Variants in WDR45B observed in about 807,000 individuals in gnomAD.
WDR45B encodes the protein WD repeat domain 45B, also known as WD repeat domain phosphoinositide-interacting protein 3.
Under a neutral mutation model 44.6 loss-of-function variants are expected in WDR45B, and 20 were observed. The ratio of observed to expected loss-of-function variants is 0.45; its 90% CI spans 0.32 to 0.65. The LOEUF is 0.65. Among genes scored for constraint, WDR45B ranks in the 30% least tolerant of loss-of-function variants. The pLI is 0.05. For missense variants in WDR45B, 323 were observed against 430.2 expected (o/e 0.75, Z 2.20); for synonymous variants, 169 against 164.9 (o/e 1.02, Z -0.19).
chr17:82,634,150 C>CAA (rs36183298), intron 2 of WDR45B, among the ~76,000 whole-genome samples: 1,511 of 31,834 alleles, frequency 0.047, 110 homozygotes, highest in African/African-American at 0.059. Flanking sequence ...GACTCCATCT[C>CAA]AAAAAAAAAA....
At position 82,622,004 on chromosome 17, in the gene WDR45B, AAT is replaced by A. The variant is rs1452383923; in HGVS notation, c.428-207_428-206del. ...GCTACCTCGCATGAGACCTCCTCAT[AAT>A]CAAGACATCTGCTGAACAACTTTAC... On this transcript the variant is annotated intron_variant, in intron 5 of 9. Coordinates refer to ENST00000392325, the MANE Select transcript of WDR45B (RefSeq NM_019613.4). Among the ~76,000 whole-genome samples the A allele has an allele frequency of 5.3e-5, 8 of 152,326 alleles. No homozygotes were observed. In the East Asian group the frequency reaches 1.4e-3, roughly 26 times the overall value.
At chr17:82,624,964 T>TAAC (rs902121461) in intron 5 of WDR45B, among the ~76,000 whole-genome samples, 3 of 152,124 alleles carry the variant, frequency 2.0e-5, no homozygotes, top group African/African-American at 7.2e-5. Context: ...AATTTTACCC[T>TAAC]AACAAAGCCA....
chr17:82,648,141 G>A lies in WDR45B; in HGVS notation c.67+133C>T, dbSNP rs2046005949. On this transcript the variant is annotated intron_variant, in intron 1 of 9. Coordinates refer to ENST00000392325, the MANE Select transcript of WDR45B (RefSeq NM_019613.4). Reference sequence around the variant, plus strand: ...GGCCGGGGCCGGGGGCTTCGGAGGGGAGCTCGGGCGGGGCCGGGGTCCCGG... The same window carrying A: ...GGCCGGGGCCGGGGGCTTCGGAGGGAAGCTCGGGCGGGGCCGGGGTCCCGG... The A allele has an allele frequency of 3.4e-5, 36 of 1,060,610 alleles. No homozygotes were observed. In the South Asian group the frequency reaches 5.8e-4, roughly 17 times the overall value. The allele number at this position is 1,060,610 out of a possible 1,614,324, so 65.7% of individuals were successfully genotyped here. A position where few individuals can be genotyped will look rare whatever the true frequency, so the allele number is the denominator to read the frequency against.
rs370464024 is a variant in WDR45B, at chr17:82,621,651, T to C, written c.576A>G (p.Ala192=). 1 of 1,614,046 alleles carries C rather than the reference T, an allele frequency of 6.2e-7. No individual in the cohort carries two copies. The highest frequency in any genetic ancestry group is 1.3e-5 in the African/African-American group (1 of 74,894). Residue 192 remains alanine, a synonymous_variant, in exon 6 of 10, where the codon GCA becomes GCG. Coordinates refer to ENST00000392325, the MANE Select transcript of WDR45B (RefSeq NM_019613.4). ...CAATTCTTGTTCCCTGCAGGTTGAG[T>C]GCAATGCAGCTCAGGACACCCTCGT... ...PAHEGVLSCI[A]LNLQGTRIAT... is the part of the protein sequence containing the mutation.
rs926973400 is a variant in WDR45B at position 82,630,952 on chromosome 17, A to G, written c.213T>C (p.Gly71=). ...FRCNYLALVG[G]GKKPKYPPNK... is the part of the protein sequence containing the mutation. ...TGGGAGGGTATTTCGGCTTTTTTCC[A>G]CCACCAACTAAAGCTAAATAGTTGC... Residue 71 remains glycine, a synonymous_variant, in exon 3 of 10, where the codon GGT becomes GGC. Coordinates refer to ENST00000392325, the MANE Select transcript of WDR45B (RefSeq NM_019613.4). The G allele has an allele frequency of 3.1e-6, 5 of 1,612,890 alleles. No individual in the cohort carries two copies. In the African/African-American group the frequency reaches 6.7e-5, roughly 22 times the overall value.
intron 2 of WDR45B, among the ~76,000 whole-genome samples, chr17:82,632,484 T>C (rs1305119855): frequency 6.6e-6 from 1 of 152,138 alleles, no homozygotes; most frequent in Non-Finnish European, 1.5e-5. Context: ...CAACTGTTCA[T>C]GAATTACGTA....
intron 2 of WDR45B, among the ~76,000 whole-genome samples, chr17:82,631,855 C>G (rs1219010639): frequency 1.3e-5 from 2 of 151,824 alleles, no homozygotes; most frequent in African/African-American, 4.8e-5. Context: ...GAGGCTGAGG[C>G]GGGCAGATGA....
chr17:82,641,535 C>T (rs1402092977), intron 2 of WDR45B, among the ~76,000 whole-genome samples: 1 of 152,106 alleles, frequency 6.6e-6, no homozygotes. Flanking sequence ...TCTGAAGAAC[C>T]TCCATAGAGA....
intron 5 of WDR45B, 151 bp from the exon 6 acceptor site, chr17:82,621,950 A>G (rs1334062724): frequency 2.0e-6 from 2 of 999,790 alleles, no homozygotes; most frequent in Non-Finnish European, 3.0e-6. Flanking sequence ...TTTTCATTGT[A>G]AATAAAGAGT....
intron 2 of WDR45B, among the ~76,000 whole-genome samples, chr17:82,643,226 A>G (rs1033768802): frequency 6.6e-6 from 1 of 152,198 alleles, no homozygotes; most frequent in Non-Finnish European, 1.5e-5. Context: ...TGAGGTCAGG[A>G]GTTAGAGACC....
rs187020615 is a variant in WDR45B, at chr17:82,643,433, G to C, written c.142+516C>G. Among the ~76,000 whole-genome samples, 65 of 151,104 alleles carry C rather than the reference G, an allele frequency of 4.3e-4. No homozygotes were observed. In the East Asian group the frequency reaches 0.012, roughly 27 times the overall value. Reference sequence around the variant, plus strand: ...GGGCGACAGAGCAAGATCCCGTCTCGGAAGAAGGAAAAAAAAAAAATAGAG... The same window carrying C: ...GGGCGACAGAGCAAGATCCCGTCTCCGAAGAAGGAAAAAAAAAAAATAGAG... On this transcript the variant is annotated intron_variant, in intron 2 of 9. Coordinates refer to ENST00000392325, the MANE Select transcript of WDR45B (RefSeq NM_019613.4).
intron 3 of WDR45B, 45 bp downstream of exon 3, chr17:82,630,876 G>T (rs553285665): frequency 3.2e-6 from 5 of 1,549,666 alleles, no homozygotes; most frequent in Non-Finnish European, 4.4e-6. Flanking sequence ...AAAAAGACTG[G>T]GTGGGACACG....
rs555852562 is a variant in WDR45B at position 82,615,973 on chromosome 17, C to A, written c.981G>T (p.Glu327Asp). ...ACTGCGCGTAGACATCTCGGATGCA[C>A]TCCCCCTTGGGGTTGAACAGGAATT... ...YYKFLFNPKG[E>D]CIRDVYAQFL... The change falls in exon 10 of 10, where the codon GAG becomes GAT. Residue 327 changes from glutamate to aspartate, a missense_variant. Glu to Asp is a conservative substitution (Grantham distance 45). Coordinates refer to ENST00000392325, the MANE Select transcript of WDR45B (RefSeq NM_019613.4). 6.2e-7 allele frequency: 1 copy of A among 1,613,902 alleles called. No individual in the cohort carries two copies. The highest frequency in any genetic ancestry group is 2.2e-5 in the East Asian group (1 of 44,860).
At chr17:82,625,585 A>T in intron 4 of WDR45B, 102 bp from the exon 5 acceptor site, 1 of 1,147,292 alleles carries the variant, frequency 8.7e-7, no homozygotes, top group East Asian at 2.5e-5. Context: ...CACTGAAAAT[A>T]CCACACAGAA....
At chr17:82,634,150 C>CAAAAAAAAAAAAAAAAAA (rs36183298) in intron 2 of WDR45B, among the ~76,000 whole-genome samples, 24 of 31,908 alleles carry the variant, frequency 7.5e-4, no homozygotes, top group South Asian at 2.4e-3. Flanking sequence ...GACTCCATCT[C>CAAAAAAAAAAAAAAAAAA]AAAAAAAAAA....
At chr17:82,626,176 C>T (rs1335942935) in intron 4 of WDR45B, among the ~76,000 whole-genome samples, 2 of 151,628 alleles carry the variant, frequency 1.3e-5, no homozygotes, top group Non-Finnish European at 2.9e-5. Flanking sequence ...CCACGGTGCC[C>T]GGCCACATTT....
At chr17:82,620,153 G>A (rs1194516046) in intron 6 of WDR45B, among the ~76,000 whole-genome samples, 1 of 152,234 alleles carries the variant, frequency 6.6e-6, no homozygotes, top group African/African-American at 2.4e-5. Flanking sequence ...TACCTAAAGG[G>A]CTGGGTGCGG....
In WDR45B at chr17:82,615,023, T is replaced by C. The variant is rs918705418; in HGVS notation, c.*896A>G. On this transcript the variant is annotated 3_prime_UTR_variant, in exon 10 of 10. Transcript: ENST00000392325. ...CATTTCCCTCCACACCAGCGGGAAC[T>C]GCATGGACCCTCCCAGACCCTGCTC... is the stretch of plus-strand genomic sequence containing the variant. The C allele has an allele frequency of 9.2e-5, 14 of 152,292 alleles. No individual in the cohort carries two copies. Among genetic ancestry groups the C allele is most frequent in the African/African-American group, 3.4e-4 (14 of 41,556 alleles). The allele number at this position is 152,292 out of a possible 1,614,324, so 9.4% of individuals were successfully genotyped here.
intron 2 of WDR45B, among the ~76,000 whole-genome samples, chr17:82,640,811 C>T (rs1005277623): frequency 6.6e-6 from 1 of 152,168 alleles, no homozygotes; most frequent in Non-Finnish European, 1.5e-5. Flanking sequence ...CACACATGCA[C>T]ATGTGAGAAC....
Sources: allele counts gnomAD v4.1 joint callset (sites outside exome capture counted in the v4.1 genomes callset), GRCh38; gene constraint gnomAD v4.1.1; transcripts MANE v1.5; gene names NCBI Gene and HGNC (gene_info 2026-07-23, HGNC 2026-07-21).